The following TMEM47 variants were observed in gnomAD, a reference collection of about 807,000 sequenced individuals.
TMEM47 encodes the protein brain cell membrane protein 1.
TMEM47 carries 3 observed loss-of-function variants against 12.4 expected under a neutral mutation model. That is an observed-to-expected ratio of 0.24 (90% CI 0.11 to 0.63). The LOEUF (loss-of-function observed/expected upper bound fraction) is 0.63. Among genes scored for constraint, TMEM47 ranks in the 20% least tolerant of loss-of-function variants. TMEM47 has a pLI of 0.86. For missense variants in TMEM47, 89 were observed against 143.8 expected (o/e 0.62, Z 1.95); for synonymous variants, 62 against 63.3 (o/e 0.98, Z 0.10).
chrX:34,640,224 G>A (rs1021436756), intron 1 of TMEM47, among the ~76,000 whole-genome samples: 2 of 111,652 alleles, frequency 1.8e-5, no homozygotes, highest in African/African-American at 6.5e-5. Context: ...GAGCCAGAAT[G>A]GACTCTGAAT....
rs73205492 is a variant in TMEM47 at position 34,638,560 on chromosome X, G to A, written c.367+687C>T. On this transcript the variant is annotated intron_variant, in intron 2 of 2. Transcript: ENST00000275954. The stretch of plus-strand genomic sequence containing the variant: ...ATATGACTGACAGGGCAAACTGAAG[G>A]CACCACAGAATATTGCAGTTTGAGT... 8.0e-3 allele frequency among the ~76,000 whole-genome samples: 892 copies of A among 111,746 alleles called. 7 individuals carry two copies. The highest frequency in any genetic ancestry group is 0.015 in the Admixed American group (161 of 10,502).
chrX:34,639,906 T>C (rs1569163447), intron 1 of TMEM47, among the ~76,000 whole-genome samples: 1 of 111,729 alleles, frequency 9.0e-6, no homozygotes, highest in Non-Finnish European at 1.9e-5. Flanking sequence ...AGTTCTGCCT[T>C]CTGTTAAACT....
intron 1 of TMEM47, among the ~76,000 whole-genome samples, chrX:34,640,135 A>G (rs72626891): frequency 0.026 from 2,946 of 111,317 alleles, 75 homozygotes; most frequent in African/African-American, 0.083. Context: ...TGTTTTTTCC[A>G]CTTCTTTTTT....
chrX:34,628,960 T>C lies in TMEM47; in HGVS notation c.*1353A>G, dbSNP rs1416976177. ...TTGAACAGTCAGTAAGTAATTCCCT[T>C]AACATAAATCCATCCTAAGTGTGTG... On this transcript the variant is annotated 3_prime_UTR_variant, in exon 3 of 3. Transcript: ENST00000275954. 1 of 111,659 alleles carries C rather than the reference T, an allele frequency of 9.0e-6. No homozygotes were observed. The highest frequency in any genetic ancestry group is 1.9e-5 in the Non-Finnish European group (1 of 53,066). 9.2% of individuals were successfully genotyped at this position (111,659 alleles called of 1,213,427 possible). A position where few individuals can be genotyped will look rare whatever the true frequency, so the allele number is the denominator to read the frequency against.
chrX:34,639,728 T>C (rs968415513), intron 1 of TMEM47, among the ~76,000 whole-genome samples: 1 of 111,541 alleles, frequency 9.0e-6, no homozygotes, highest in Non-Finnish European at 1.9e-5. Context: ...AGTTCACAAA[T>C]CTTAAGTATA....
chrX:34,643,817 C>T (rs998039600), intron 1 of TMEM47, among the ~76,000 whole-genome samples: 5 of 111,005 alleles, frequency 4.5e-5, no homozygotes, highest in Non-Finnish European at 9.4e-5. Context: ...GTTTCTGAGA[C>T]CACAGAGAAC....
Position 34,657,094 on chromosome X carries a change from G to A in TMEM47, c.-65C>T. 9.3e-7 allele frequency: 1 copy of A among 1,080,129 alleles called. No homozygotes were observed. Among genetic ancestry groups the A allele is most frequent in the Non-Finnish European group, 1.2e-6 (1 of 834,676 alleles). The allele number at this position is 1,080,129 out of a possible 1,213,427, so 89.0% of individuals were successfully genotyped here. Reference sequence around the variant, plus strand: ...ACGCCAGGCGGGTCCGGAGAGCCGGGAGCCGGACCTCCCGAAGGGAGAAGC... The same window carrying A: ...ACGCCAGGCGGGTCCGGAGAGCCGGAAGCCGGACCTCCCGAAGGGAGAAGC... On this transcript the variant is annotated 5_prime_UTR_variant, in exon 1 of 3. Coordinates refer to ENST00000275954, the MANE Select transcript of TMEM47 (RefSeq NM_031442.4).
chrX:34,632,238 ATAAT>A lies in TMEM47; in HGVS notation c.368-1751_368-1748del, dbSNP rs200724255. On this transcript the variant is annotated intron_variant, in intron 2 of 2. Coordinates refer to ENST00000275954, the MANE Select transcript of TMEM47 (RefSeq NM_031442.4). ...TCATCTGAAAAGAACAAAAATGTGA[ATAAT>A]TAAAGAAAAGGAGGGAACAAACTGA... Among the ~76,000 whole-genome samples, 754 of 112,175 alleles carry A rather than the reference ATAAT, an allele frequency of 6.7e-3. 4 individuals carry two copies. Among genetic ancestry groups the A allele is most frequent in the African/African-American group, 0.023 (704 of 30,923 alleles).
intron 2 of TMEM47, among the ~76,000 whole-genome samples, chrX:34,637,696 C>A (rs1334600874): frequency 2.7e-5 from 3 of 110,798 alleles, no homozygotes; most frequent in African/African-American, 6.6e-5. Flanking sequence ...ATTTTTATAT[C>A]ATTCATTCAA....
In TMEM47 at chrX:34,628,349, A is replaced by C. The variant is rs371791196; in HGVS notation, c.*1964T>G. 1.5e-4 allele frequency: 17 copies of C among 111,795 alleles called. No individual in the cohort carries two copies. The East Asian group carries it at 4.2e-3, about 28-fold the overall frequency. 9.2% of individuals were successfully genotyped at this position (111,795 alleles called of 1,213,427 possible). ...AAAAATTGCTTCAAAAGACTCTATA[A>C]TACTATCTTTCTGGAGAATTTCCAC... On this transcript the variant is annotated 3_prime_UTR_variant, in exon 3 of 3. Coordinates refer to ENST00000275954, the MANE Select transcript of TMEM47 (RefSeq NM_031442.4).
chrX:34,644,078 CA>C (rs1477826452), intron 1 of TMEM47, among the ~76,000 whole-genome samples: 1 of 105,621 alleles, frequency 9.5e-6, no homozygotes, highest in Non-Finnish European at 1.9e-5. Flanking sequence ...TTTTCTATAA[CA>C]GGAAAAAAAA....
intron 2 of TMEM47, among the ~76,000 whole-genome samples, chrX:34,630,911 G>A (rs1199039889): frequency 9.2e-6 from 1 of 108,893 alleles, no homozygotes; most frequent in African/African-American, 3.3e-5. Context: ...GGTGGCTCAC[G>A]CCTGTAAATC....
chrX:34,650,017 G>A (rs1921987481), intron 1 of TMEM47, among the ~76,000 whole-genome samples: 1 of 111,961 alleles, frequency 8.9e-6, no homozygotes, highest in Non-Finnish European at 1.9e-5. Flanking sequence ...GAGCCACCAC[G>A]CCTGGCCCCC....
chrX:34,647,403 T>G (rs1414406831), intron 1 of TMEM47, among the ~76,000 whole-genome samples: 1 of 111,854 alleles, frequency 8.9e-6, no homozygotes, highest in African/African-American at 3.2e-5. Flanking sequence ...ATATGTGATC[T>G]CTTGAAACAT....
At chrX:34,654,497 A>C (rs1439483229) in intron 1 of TMEM47, among the ~76,000 whole-genome samples, 1 of 112,214 alleles carries the variant, frequency 8.9e-6, no homozygotes, top group Admixed American at 9.4e-5. Context: ...CCTTTGGAAC[A>C]GACAAGAAAA....
rs2092479975 is a variant in TMEM47 at position 34,657,135 on chromosome X, C to T, written c.-106G>A. The T allele has an allele frequency of 3.9e-6, 4 of 1,032,945 alleles. No individual in the cohort carries two copies. The highest frequency in any genetic ancestry group is 1.2e-6 in the Non-Finnish European group (1 of 811,366). The allele number at this position is 1,032,945 out of a possible 1,213,427, so 85.1% of individuals were successfully genotyped here. The stretch of plus-strand genomic sequence containing the variant: ...AGGGAGAAGCCGCCGAGCTGCCACG[C>T]GCGGGGACTCGCTCCCTCGGGGCTC... On this transcript the variant is annotated 5_prime_UTR_variant, in exon 1 of 3. Coordinates refer to ENST00000275954, the MANE Select transcript of TMEM47 (RefSeq NM_031442.4).
Position 34,656,976 on chromosome X carries a change from G to T in TMEM47, c.54C>A (p.Pro18=), listed in dbSNP as rs772547314. ...MEEVRVSVLT[P]LKLVGLVCIF... The stretch of plus-strand genomic sequence containing the variant: ...TGCACACCAGCCCGACCAGCTTCAA[G>T]GGGGTCAGCACCGACACGCGCACCT... The change falls in exon 1 of 3, where the codon CCC becomes CCA. Residue 18 remains proline, a synonymous_variant. Transcript: ENST00000275954. 2.5e-6 allele frequency: 3 copies of T among 1,182,197 alleles called. No individual in the cohort carries two copies. Among genetic ancestry groups the T allele is most frequent in the Admixed American group, 2.4e-5 (1 of 42,337 alleles).
chrX:34,637,904 C>G (rs1921745566), intron 2 of TMEM47, among the ~76,000 whole-genome samples: 2 of 110,355 alleles, frequency 1.8e-5, no homozygotes, highest in African/African-American at 6.6e-5. Flanking sequence ...ACTCTGTTGC[C>G]AAGGCTGGAG....
At position 34,649,442 on chromosome X, in the gene TMEM47, G is replaced by A. The variant is rs757657709; in HGVS notation, c.226+7362C>T. Among the ~76,000 whole-genome samples, 266 of 111,455 alleles carry A rather than the reference G, an allele frequency of 2.4e-3. 4 individuals carry two copies. The highest frequency in any genetic ancestry group is 8.2e-3 in the African/African-American group (251 of 30,677). On this transcript the variant is annotated intron_variant, in intron 1 of 2. Transcript: ENST00000275954. ...AGGCTATTATCCTTAGCACACTAAC[G>A]CAGGAACAGAAAACCAAATACAGCA...
Sources: gnomAD v4.1 joint callset for allele counts (sites outside exome capture counted in the v4.1 genomes callset) on GRCh38, gnomAD v4.1.1 for gene constraint, MANE v1.5 for transcripts, NCBI Gene and HGNC (gene_info 2026-07-23, HGNC 2026-07-21) for gene names.